The following CDH7 variants were observed in gnomAD, a reference collection of about 807,000 sequenced individuals.
CDH7 encodes the protein cadherin-7.
CDH7 carries 25 observed loss-of-function variants against 71.8 expected under a neutral mutation model. That is an observed-to-expected ratio of 0.35 (90% CI 0.25 to 0.49). The LOEUF is 0.49. CDH7 is among the 20% of genes least tolerant of loss of function. The pLI, the probability that CDH7 is intolerant of heterozygous loss-of-function variation, is 0.99. For missense variants in CDH7, 862 were observed against 974.6 expected (o/e 0.88, Z 1.54); for synonymous variants, 381 against 363.8 (o/e 1.05, Z -0.54).
chr18:65,759,963 T>A (rs1399285216), intron 1 of CDH7, among the ~76,000 whole-genome samples: 1 of 152,234 alleles, frequency 6.6e-6, no homozygotes, highest in East Asian at 1.9e-4. Context: ...GTATTCATCT[T>A]GATTTTTTGA....
chr18:65,838,567 A>C (rs971988830), intron 6 of CDH7, among the ~76,000 whole-genome samples: 2 of 152,196 alleles, frequency 1.3e-5, no homozygotes, highest in Non-Finnish European at 2.9e-5. Flanking sequence ...AATTTAGAAG[A>C]ATTTAACTTG....
chr18:65,807,012 T>C (rs2143899002), intron 2 of CDH7, among the ~76,000 whole-genome samples: 1 of 151,984 alleles, frequency 6.6e-6, no homozygotes, highest in African/African-American at 2.4e-5. Flanking sequence ...TGGCAGTGGT[T>C]AGAAGCCTAG....
At chr18:65,759,532 A>C (rs912833614) in intron 1 of CDH7, among the ~76,000 whole-genome samples, 2 of 152,066 alleles carry the variant, frequency 1.3e-5, no homozygotes, top group Admixed American at 1.3e-4. Flanking sequence ...GATTACAGGC[A>C]TGAGCCACCA....
chr18:65,862,661 C>A lies in CDH7; in HGVS notation c.1613-5C>A. On this transcript the variant is annotated splice_region_variant and splice_polypyrimidine_tract_variant and intron_variant, in intron 10 of 11. Transcript: ENST00000397968. ...GGTGTTATACATTTGCTTTCGTTAT[C>A]CTAGACAACACAGCCTCAATACTGA... The A allele has an allele frequency of 6.2e-7, 1 of 1,613,582 alleles. No homozygotes were observed. Among genetic ancestry groups the A allele is most frequent in the Non-Finnish European group, 8.5e-7 (1 of 1,179,612 alleles).
At chr18:65,834,232 G>A (rs947266260) in intron 6 of CDH7, among the ~76,000 whole-genome samples, 5 of 152,188 alleles carry the variant, frequency 3.3e-5, no homozygotes, top group African/African-American at 1.2e-4. Context: ...CTTTGAGAAT[G>A]GAATGGAGAT....
At chr18:65,823,773 C>G (rs759258316) in intron 5 of CDH7, among the ~76,000 whole-genome samples, 1 of 151,710 alleles carries the variant, frequency 6.6e-6, no homozygotes, top group Non-Finnish European at 1.5e-5. Context: ...CCTTTCTTAT[C>G]CCTTCACAAG....
chr18:65,773,993 G>A (rs568039875), intron 2 of CDH7, among the ~76,000 whole-genome samples: 1 of 152,190 alleles, frequency 6.6e-6, no homozygotes, highest in Admixed American at 6.5e-5. Context: ...CATTTTGTAT[G>A]ACATGACTTC....
chr18:65,761,956 A>G (rs1306927242), intron 1 of CDH7, among the ~76,000 whole-genome samples: 2 of 152,220 alleles, frequency 1.3e-5, no homozygotes, highest in Admixed American at 6.5e-5. Flanking sequence ...AAGATGCTCA[A>G]TAAATAATTG....
chr18:65,763,878 A>G (rs995012190), intron 2 of CDH7, among the ~76,000 whole-genome samples: 13 of 152,018 alleles, frequency 8.6e-5, no homozygotes, highest in African/African-American at 2.4e-4. Context: ...GCCATTTGGC[A>G]TATCATGTTC....
chr18:65,858,947 A>G lies in CDH7; in HGVS notation c.1395A>G (p.Arg465=). The G allele has an allele frequency of 6.2e-7, 1 of 1,612,228 alleles. No individual in the cohort carries two copies. The highest frequency in any genetic ancestry group is 1.1e-5 in the South Asian group (1 of 91,032). Residue 465 remains arginine, a synonymous_variant, in exon 9 of 12, where the codon AGA becomes AGG. Transcript: ENST00000397968. ...TAGAGAATCCATCTCAAGTAGGAAG[A>G]GGCTATGTGGCCATCACTATACTTG... ...MESQNPSQVG[R]GYVAITILDI...
At chr18:65,854,659 T>C (rs1913284633) in intron 7 of CDH7, among the ~76,000 whole-genome samples, 1 of 152,136 alleles carries the variant, frequency 6.6e-6, no homozygotes, top group South Asian at 2.1e-4. Flanking sequence ...CTTTTAAGAA[T>C]CTAGACATTT....
intron 6 of CDH7, among the ~76,000 whole-genome samples, chr18:65,833,489 A>G (rs1912424479): frequency 6.6e-6 from 1 of 152,154 alleles, no homozygotes; most frequent in Non-Finnish European, 1.5e-5. Context: ...GAGCAATGAC[A>G]TTGCTCTCAT....
chr18:65,807,968 C>T (rs994182984), intron 2 of CDH7, among the ~76,000 whole-genome samples: 2 of 152,092 alleles, frequency 1.3e-5, no homozygotes, highest in Admixed American at 6.6e-5. Flanking sequence ...GCCTGGATCT[C>T]GTTATAGGGA....
At position 65,888,596 on chromosome 18, in the gene CDH7, T is replaced by C. The variant is rs991513873; in HGVS notation, c.*7702T>C. 6.6e-6 allele frequency: 1 copy of C among 152,194 alleles called. No individual in the cohort carries two copies. Among genetic ancestry groups the C allele is most frequent in the Non-Finnish European group, 1.5e-5 (1 of 68,042 alleles). 9.4% of individuals were successfully genotyped at this position (152,194 alleles called of 1,614,324 possible). On this transcript the variant is annotated 3_prime_UTR_variant, in exon 12 of 12. Coordinates refer to ENST00000397968, the MANE Select transcript of CDH7 (RefSeq NM_004361.5). ...TATAAAAGTATCACAATAAAGTTTT[T>C]CCACAGATATGTAATTTTAAGTTAG...
intron 6 of CDH7, among the ~76,000 whole-genome samples, chr18:65,835,144 G>C (rs971820164): frequency 6.6e-6 from 1 of 152,234 alleles, no homozygotes; most frequent in African/African-American, 2.4e-5. Flanking sequence ...TACCTGGGCT[G>C]GTTCCAAGAA....
At chr18:65,779,265 T>TTC (rs970513647) in intron 2 of CDH7, among the ~76,000 whole-genome samples, 23 of 141,272 alleles carry the variant, frequency 1.6e-4, no homozygotes, top group Admixed American at 5.6e-4. Flanking sequence ...TTCTTTTTTT[T>TTC]TTTTTTTTTT....
intron 11 of CDH7, among the ~76,000 whole-genome samples, chr18:65,864,298 A>C (rs1185063010): frequency 6.6e-6 from 1 of 152,154 alleles, no homozygotes; most frequent in Non-Finnish European, 1.5e-5. Flanking sequence ...TGCAAGCCGC[A>C]AGCAGCTGAA....
At chr18:65,797,934 C>T (rs150052496) in intron 2 of CDH7, among the ~76,000 whole-genome samples, 2 of 152,152 alleles carry the variant, frequency 1.3e-5, no homozygotes, top group African/African-American at 4.8e-5. Context: ...TAGTTTGACC[C>T]AGGAAGATTT....
intron 6 of CDH7, among the ~76,000 whole-genome samples, chr18:65,825,920 T>C (rs1912113200): frequency 6.6e-6 from 1 of 151,722 alleles, no homozygotes; most frequent in African/African-American, 2.4e-5. Flanking sequence ...ACAATGCTGC[T>C]CAAAGATTTC....
Sources: gnomAD v4.1 joint callset for allele counts (sites outside exome capture counted in the v4.1 genomes callset) on GRCh38, gnomAD v4.1.1 for gene constraint, MANE v1.5 for transcripts, NCBI Gene and HGNC (gene_info 2026-07-23, HGNC 2026-07-21) for gene names.